ATE1: variants seen among roughly 807,000 people sequenced by gnomAD.
ATE1 encodes arginyltransferase 1, also known as arginyl-tRNA--protein transferase 1.
A neutral mutation model predicts 70.5 loss-of-function variants in ATE1; 36 were observed. The observed-to-expected ratio is 0.51, with a 90% CI of 0.39 to 0.67. ATE1 has a LOEUF of 0.67. Among genes scored for constraint, ATE1 ranks in the 30% least tolerant of loss-of-function variants. The probability of loss-of-function intolerance (pLI) is 0.00; values close to 1 mark genes in which losing one functional copy is unlikely to be tolerated. For missense variants in ATE1, 593 were observed against 629.5 expected, an observed-to-expected ratio of 0.94 and a Z score of 0.62; for synonymous variants, 232 against 219.3, an observed-to-expected ratio of 1.06 and a Z score of -0.51.
chr10:121,780,157 A>C (rs775154182), intron 11 of ATE1, among the ~76,000 whole-genome samples: 1 of 152,150 alleles, frequency 6.6e-6, no homozygotes, highest in Non-Finnish European at 1.5e-5. Flanking sequence ...CCTCCTTGAC[A>C]TCTCTACCAG....
intron 10 of ATE1, among the ~76,000 whole-genome samples, chr10:121,813,307 A>G (rs1459862299): frequency 1.3e-5 from 2 of 152,154 alleles, no homozygotes; most frequent in African/African-American, 4.8e-5. Context: ...TTTCTACACA[A>G]TATTTTGCCA....
At chr10:121,827,442 G>C (rs1948069662) in intron 10 of ATE1, among the ~76,000 whole-genome samples, 1 of 152,186 alleles carries the variant, frequency 6.6e-6, no homozygotes, top group Non-Finnish European at 1.5e-5. Flanking sequence ...AAGAGGACCA[G>C]CACCACTGCG....
Position 121,899,932 on chromosome 10 carries a change from G to T in ATE1, c.876C>A (p.Tyr292Ter). The T allele has an allele frequency of 6.2e-7, 1 of 1,613,996 alleles. No homozygotes were observed. Among genetic ancestry groups the T allele is most frequent in the East Asian group, 2.2e-5 (1 of 44,872 alleles). ...SQFKATLLES[Y>*]QVYKRYQMVI... Reference sequence around the variant, plus strand: ...CCATCTGGTAACGTTTATAGACCTGGTAAGACTCCAGAAGTGTGGCTTTGA... The same window carrying T: ...CCATCTGGTAACGTTTATAGACCTGTTAAGACTCCAGAAGTGTGGCTTTGA... The change falls in exon 7 of 12, where the codon TAC becomes TAA. Residue 292 changes from tyrosine (Y) to a stop codon, truncating the protein, a stop_gained. Coordinates refer to ENST00000224652, the MANE Select transcript of ATE1 (RefSeq NM_001001976.3). LOFTEE classifies it high-confidence loss of function.
At chr10:121,911,282 T>A in intron 4 of ATE1, 131 bp from the exon 5 acceptor site, 1 of 1,170,850 alleles carries the variant, frequency 8.5e-7, no homozygotes, top group Non-Finnish European at 1.2e-6. Context: ...ATTCTCATCC[T>A]CCAAAATAAG....
At chr10:121,767,814 A>G (rs528916850) in intron 11 of ATE1, among the ~76,000 whole-genome samples, 1 of 152,270 alleles carries the variant, frequency 6.6e-6, no homozygotes, top group Admixed American at 6.5e-5. Flanking sequence ...GGCAGTTGCT[A>G]TGTTCTTTGG....
In ATE1 at chr10:121,851,200, G is replaced by A. The variant is rs890060613; in HGVS notation, c.976-9937C>T. Among the ~76,000 whole-genome samples, 384 of 148,602 alleles carry A rather than the reference G, an allele frequency of 2.6e-3. 5 individuals carry two copies. Among genetic ancestry groups the A allele is most frequent in the South Asian group, 1.3e-3 (6 of 4,546 alleles). On this transcript the variant is annotated intron_variant, in intron 8 of 11. Transcript: ENST00000224652. ...CTTTGGAGGCTGCGGCGGGCAGATCGCTTGAGTCCAGGAGTTTGAGACCAG... is the reference window on the plus strand; with the variant it reads ...CTTTGGAGGCTGCGGCGGGCAGATCACTTGAGTCCAGGAGTTTGAGACCAG...
At chr10:121,896,708 C>A (rs2134257082) in intron 7 of ATE1, among the ~76,000 whole-genome samples, 1 of 150,964 alleles carries the variant, frequency 6.6e-6, no homozygotes, top group Admixed American at 6.7e-5. Context: ...ACGCAGGGGT[C>A]TGAGGCAGAA....
intron 10 of ATE1, among the ~76,000 whole-genome samples, chr10:121,807,612 ATTAAT>A (rs1453932953): frequency 2.6e-5 from 4 of 152,196 alleles, no homozygotes; most frequent in African/African-American, 9.7e-5. Flanking sequence ...TAGACTATTT[ATTAAT>A]TTAGATATTC....
chr10:121,867,731 G>C (rs186675209), intron 8 of ATE1, among the ~76,000 whole-genome samples: 34 of 152,210 alleles, frequency 2.2e-4, no homozygotes, highest in Middle Eastern at 3.4e-3. Flanking sequence ...TTTAAACTGA[G>C]ATCTGCATGT....
chr10:121,821,420 G>T (rs548855789), intron 10 of ATE1, among the ~76,000 whole-genome samples: 4 of 152,206 alleles, frequency 2.6e-5, no homozygotes, highest in Non-Finnish European at 5.9e-5. Flanking sequence ...AAGGTATCTG[G>T]TAAAACACTT....
At chr10:121,799,951 TAAC>T (rs1367432253) in intron 10 of ATE1, among the ~76,000 whole-genome samples, 1 of 152,218 alleles carries the variant, frequency 6.6e-6, no homozygotes, top group Non-Finnish European at 1.5e-5. Context: ...CTGAAGTTAC[TAAC>T]AACCCCTTTT....
At chr10:121,927,073 A>G (rs1359203975) in intron 1 of ATE1, 4 of 985,196 alleles carry the variant, frequency 4.1e-6, no homozygotes, top group East Asian at 2.3e-4. Flanking sequence ...TTAAAATAAT[A>G]GAGTCTACAT....
At chr10:121,820,259 A>G (rs1003187009) in intron 10 of ATE1, among the ~76,000 whole-genome samples, 25 of 152,212 alleles carry the variant, frequency 1.6e-4, no homozygotes, top group Non-Finnish European at 3.5e-4. Context: ...TTCCTAATCA[A>G]TGAATTTAGA....
intron 2 of ATE1, among the ~76,000 whole-genome samples, chr10:121,923,452 G>A (rs887964528): frequency 1.3e-5 from 2 of 151,980 alleles, no homozygotes; most frequent in African/African-American, 4.8e-5. Flanking sequence ...GCAAGAGAGC[G>A]ACTCTAGCCT....
intron 2 of ATE1, among the ~76,000 whole-genome samples, chr10:121,923,301 C>CA (rs966494104): frequency 6.6e-6 from 1 of 152,132 alleles, no homozygotes; most frequent in African/African-American, 2.4e-5. Context: ...CAAGATCTTA[C>CA]AAAAAACTGA....
At chr10:121,752,734 T>C (rs1944640601) in intron 11 of ATE1, among the ~76,000 whole-genome samples, 2 of 152,212 alleles carry the variant, frequency 1.3e-5, no homozygotes, top group South Asian at 4.1e-4. Context: ...TTCTGGACTC[T>C]CAACTCTAGT....
chr10:121,908,476 C>G (rs528277043), intron 5 of ATE1, among the ~76,000 whole-genome samples: 1 of 152,046 alleles, frequency 6.6e-6, no homozygotes, highest in African/African-American at 2.4e-5. Flanking sequence ...AGCACTCCAG[C>G]GTAGGCGACA....
chr10:121,881,720 A>G (rs1950231029), intron 7 of ATE1, among the ~76,000 whole-genome samples: 2 of 151,818 alleles, frequency 1.3e-5, no homozygotes, highest in African/African-American at 4.8e-5. Context: ...TCTTTTCCCA[A>G]ATGATATCTT....
At position 121,819,674 on chromosome 10, in the gene ATE1, T is replaced by TCC. The variant is rs142321565; in HGVS notation, c.1257+17043_1257+17044insGG. Among the ~76,000 whole-genome samples, 47 of 41,092 alleles carry TCC rather than the reference T, an allele frequency of 1.1e-3. 1 individual carries two copies. Among genetic ancestry groups the TCC allele is most frequent in the South Asian group, 6.2e-3 (7 of 1,138 alleles). The allele number at this position is 41,092 out of a possible 152,430, so 27.0% of individuals were successfully genotyped here. A position where few individuals can be genotyped will look rare whatever the true frequency, so the allele number is the denominator to read the frequency against. Reference sequence around the variant, plus strand: ...GTGAGCCTGGGTGACAGAGCAAGACTGTCTCAAAAAAAAAAAAAAAAAAAA... The same window carrying TCC: ...GTGAGCCTGGGTGACAGAGCAAGACTCCGTCTCAAAAAAAAAAAAAAAAAAAA... On this transcript the variant is annotated intron_variant, in intron 10 of 11. Coordinates refer to ENST00000224652, the MANE Select transcript of ATE1 (RefSeq NM_001001976.3).
Sources: allele counts gnomAD v4.1 joint callset (sites outside exome capture counted in the v4.1 genomes callset), GRCh38; gene constraint gnomAD v4.1.1; transcripts MANE v1.5; gene names NCBI Gene and HGNC (gene_info 2026-07-23, HGNC 2026-07-21).